Variants in EBF1 observed in about 807,000 individuals in gnomAD.
EBF1 encodes the protein transcription factor COE1.
In EBF1, 10 loss-of-function variants were observed where a neutral mutation model predicts 68.4. The ratio of observed to expected loss-of-function variants is 0.15; its 90% confidence interval spans 0.09 to 0.25. The LOEUF is 0.25. Ranked by LOEUF, EBF1 falls within the 10% of genes least tolerant of loss-of-function variation. EBF1 has a pLI of 1.00. For missense variants in EBF1, 509 were observed against 794.4 expected (o/e 0.64, Z 4.32); for synonymous variants, 298 against 299.8 (o/e 0.99, Z 0.06).
chr5:158,765,449 T>G (rs1772448328), intron 10 of EBF1, among the ~76,000 whole-genome samples: 1 of 151,624 alleles, frequency 6.6e-6, no homozygotes, highest in Non-Finnish European at 1.5e-5. Flanking sequence ...GAATATATTT[T>G]TGGCATTAAA....
intron 6 of EBF1, among the ~76,000 whole-genome samples, chr5:159,016,187 C>G (rs760913591): frequency 2.0e-5 from 3 of 152,192 alleles, no homozygotes; most frequent in Non-Finnish European, 4.4e-5. Context: ...ACAAACATTC[C>G]ATACAGAACC....
chr5:158,699,215 A>T (rs745921316), intron 15 of EBF1, 73 bp from the exon 16 acceptor site: 91 of 385,342 alleles, frequency 2.4e-4, no homozygotes, highest in Non-Finnish European at 3.4e-4. Flanking sequence ...AATGAAGACT[A>T]AAAAAAAAAA....
At chr5:158,930,893 A>G (rs949013501) in intron 6 of EBF1, among the ~76,000 whole-genome samples, 1 of 152,210 alleles carries the variant, frequency 6.6e-6, no homozygotes, top group Non-Finnish European at 1.5e-5. Flanking sequence ...TACCCAAAAA[A>G]AAAAACACAT....
At chr5:158,983,234 G>A (rs1337736605) in intron 6 of EBF1, 1 of 152,188 alleles carries the variant, frequency 6.6e-6, no homozygotes, top group East Asian at 1.9e-4. Context: ...CTAACCTGAA[G>A]ACATGAAAGA....
At chr5:158,819,629 G>A (rs370386955) in intron 8 of EBF1, among the ~76,000 whole-genome samples, 3 of 152,170 alleles carry the variant, frequency 2.0e-5, no homozygotes, top group African/African-American at 7.2e-5. Flanking sequence ...ACAGGGTAGC[G>A]CTGAACATAG....
At chr5:159,056,788 C>T (rs763924519) in intron 6 of EBF1, among the ~76,000 whole-genome samples, 17 of 152,046 alleles carry the variant, frequency 1.1e-4, no homozygotes, top group East Asian at 5.8e-4. Context: ...AAATTGCCAA[C>T]GTCAATATTT....
intron 10 of EBF1, among the ~76,000 whole-genome samples, chr5:158,770,386 A>G (rs1284112361): frequency 1.3e-5 from 2 of 152,066 alleles, no homozygotes; most frequent in Non-Finnish European, 2.9e-5. Flanking sequence ...TCCAAGATAC[A>G]TTCTGGTCTC....
At chr5:158,940,890 T>C (rs1378529218) in intron 6 of EBF1, among the ~76,000 whole-genome samples, 3 of 151,676 alleles carry the variant, frequency 2.0e-5, no homozygotes, top group African/African-American at 7.3e-5. Context: ...ATGGCCTGTA[T>C]ATGAATTGAA....
chr5:158,699,351 A>G (rs747854338), intron 15 of EBF1, among the ~76,000 whole-genome samples: 5 of 148,004 alleles, frequency 3.4e-5, no homozygotes, highest in Admixed American at 6.6e-5. Context: ...CAGCATGGGT[A>G]TGTGTCTTTA....
chr5:158,835,073 A>C (rs1320707401), intron 7 of EBF1, among the ~76,000 whole-genome samples: 1 of 152,212 alleles, frequency 6.6e-6, no homozygotes, highest in Non-Finnish European at 1.5e-5. Context: ...CCAGCCTCCC[A>C]ATTAGTGTGC....
At chr5:159,000,510 G>A (rs1006565413) in intron 6 of EBF1, among the ~76,000 whole-genome samples, 1 of 152,062 alleles carries the variant, frequency 6.6e-6, no homozygotes, top group African/African-American at 2.4e-5. Flanking sequence ...ACAAACTATG[G>A]CTTTTCAAAC....
intron 6 of EBF1, among the ~76,000 whole-genome samples, chr5:158,988,265 C>T (rs950077535): frequency 4.0e-4 from 61 of 152,254 alleles, no homozygotes; most frequent in African/African-American, 1.3e-3. Flanking sequence ...CTTTTCCTTT[C>T]GTAAACTGCC....
At chr5:158,940,314 T>C (rs1476444152) in intron 6 of EBF1, among the ~76,000 whole-genome samples, 3 of 152,168 alleles carry the variant, frequency 2.0e-5, no homozygotes, top group Non-Finnish European at 4.4e-5. Context: ...TGCCCAAGAA[T>C]TGGAGGTCCC....
At chr5:158,878,220 C>G (rs188485950) in intron 6 of EBF1, among the ~76,000 whole-genome samples, 1 of 152,116 alleles carries the variant, frequency 6.6e-6, no homozygotes, top group East Asian at 1.9e-4. Context: ...GAGGACAGAT[C>G]TGTATATATA....
chr5:158,970,468 G>T (rs1755417471), intron 6 of EBF1, among the ~76,000 whole-genome samples: 3 of 152,120 alleles, frequency 2.0e-5, no homozygotes, highest in Admixed American at 6.5e-5. Flanking sequence ...TTGTTTACAG[G>T]AAAAGGAAAC....
At chr5:158,916,891 G>T (rs367618637) in intron 6 of EBF1, among the ~76,000 whole-genome samples, 1 of 152,162 alleles carries the variant, frequency 6.6e-6, no homozygotes, top group Non-Finnish European at 1.5e-5. Context: ...GCAATAAGCA[G>T]GTCATAAACA....
At chr5:158,731,658 A>T (rs1267234690) in intron 10 of EBF1, among the ~76,000 whole-genome samples, 4 of 152,184 alleles carry the variant, frequency 2.6e-5, no homozygotes, top group African/African-American at 7.2e-5. Context: ...GAGTGAGTAG[A>T]AGTGAATCTT....
intron 6 of EBF1, among the ~76,000 whole-genome samples, chr5:159,058,791 T>C (rs908957419): frequency 4.6e-5 from 7 of 152,246 alleles, no homozygotes; most frequent in Non-Finnish European, 1.0e-4. Flanking sequence ...ATCTTAGTGC[T>C]TGAATTCGTA....
At chr5:158,806,498 G>A (rs1781619680) in intron 8 of EBF1, among the ~76,000 whole-genome samples, 1 of 152,050 alleles carries the variant, frequency 6.6e-6, no homozygotes, top group Non-Finnish European at 1.5e-5. Context: ...CTGGCTCTTG[G>A]CTCTATGCTG....
Sources: gnomAD v4.1 joint callset for allele counts (sites outside exome capture counted in the v4.1 genomes callset) on GRCh38, gnomAD v4.1.1 for gene constraint, MANE v1.5 for transcripts, NCBI Gene and HGNC (gene_info 2026-07-23, HGNC 2026-07-21) for gene names.